Variants in TBC1D2B observed in about 807,000 individuals in gnomAD.
TBC1D2B encodes TBC1 domain family, member 2B.
A neutral mutation model predicts 100.8 loss-of-function variants in TBC1D2B; 64 were observed. That is an observed-to-expected ratio of 0.64 (90% CI 0.52 to 0.78). The LOEUF is 0.78. Among genes scored for constraint, TBC1D2B ranks in the 30% least tolerant of loss-of-function variants. The probability of loss-of-function intolerance (pLI) is 0.00; values close to 1 mark genes in which losing one functional copy is unlikely to be tolerated. For missense variants in TBC1D2B, 1,052 were observed against 1,218.4 expected (o/e 0.86, Z 2.03); for synonymous variants, 480 against 479.7 (o/e 1.00, Z -0.01).
intron 1 of TBC1D2B, among the ~76,000 whole-genome samples, chr15:78,074,579 A>C (rs1307943314): frequency 1.3e-5 from 2 of 152,192 alleles, no homozygotes; most frequent in Non-Finnish European, 2.9e-5. Flanking sequence ...AACACTGCAA[A>C]ACAGGAGAAG....
chr15:78,053,140 C>T (rs528019224), intron 2 of TBC1D2B, among the ~76,000 whole-genome samples: 14 of 152,320 alleles, frequency 9.2e-5, no homozygotes, highest in Non-Finnish European at 1.8e-4. Flanking sequence ...ATCAGCCACA[C>T]GTGCCAACAC....
At chr15:78,000,390 G>A (rs1171532547) in intron 12 of TBC1D2B, among the ~76,000 whole-genome samples, 2 of 152,226 alleles carry the variant, frequency 1.3e-5, no homozygotes, top group Non-Finnish European at 2.9e-5. Flanking sequence ...TCCCAACACA[G>A]CCCTAGCTGT....
chr15:78,040,855 G>GAAGGAAGAAAGATAGAAAGAAAGA (rs71447186), intron 3 of TBC1D2B, among the ~76,000 whole-genome samples: 1 of 74,668 alleles, frequency 1.3e-5, no homozygotes, highest in Non-Finnish European at 2.7e-5. Context: ...AGAAAGAAAG[G>GAAGGAAGAAAGATAGAAAGAAAGA]AAGAAAGAAA....
At position 78,077,569 on chromosome 15, in the gene TBC1D2B, C is replaced by T. The variant is rs745831492; in HGVS notation, c.84G>A (p.Ala28=). 3.0e-5 allele frequency: 42 copies of T among 1,404,950 alleles called. No homozygotes were observed. In the South Asian group the frequency reaches 4.5e-4, roughly 15 times the overall value. 87.0% of individuals were successfully genotyped at this position (1,404,950 alleles called of 1,614,324 possible). The part of the protein sequence containing the change: ...AAQGAAAEPG[A]GPAREPARLC... ...GCCGCGCTGGCTCCCGCGCCGGACC[C>T]GCCCCGGGCTCCGCGGCCGCCCCCT... is the stretch of plus-strand genomic sequence containing the variant. The change falls in exon 1 of 13, where the codon GCG becomes GCA. Residue 28 remains alanine (A), a synonymous_variant. Coordinates refer to ENST00000300584, the MANE Select transcript of TBC1D2B (RefSeq NM_144572.2).
chr15:78,027,312 C>T (rs752181269), intron 4 of TBC1D2B, among the ~76,000 whole-genome samples: 3 of 152,148 alleles, frequency 2.0e-5, no homozygotes, highest in Admixed American at 6.5e-5. Flanking sequence ...GAAGTGAGTG[C>T]TGGTTTCATG....
chr15:78,019,252 C>T (rs138553128), intron 6 of TBC1D2B, among the ~76,000 whole-genome samples: 1 of 152,322 alleles, frequency 6.6e-6, no homozygotes, highest in Non-Finnish European at 1.5e-5. Context: ...GTTACAGGTG[C>T]CCCGTGCTAG....
At position 78,052,737 on chromosome 15, in the gene TBC1D2B, T is replaced by C. The variant is rs372418587; in HGVS notation, c.514+1297A>G. ...CCTCCTGTGCCAAAGGCACTGGCTA[T>C]GCTCATGAACCCTGCCTGTTCCCAC... On this transcript the variant is annotated intron_variant, in intron 2 of 12. Coordinates refer to ENST00000300584, the MANE Select transcript of TBC1D2B (RefSeq NM_144572.2). Among the ~76,000 whole-genome samples, 104 of 152,338 alleles carry C rather than the reference T, an allele frequency of 6.8e-4. 2 individuals are homozygous for C. The highest frequency in any genetic ancestry group is 3.9e-3 in the South Asian group (19 of 4,826).
chr15:78,015,627 G>A (rs2072353857), intron 8 of TBC1D2B, among the ~76,000 whole-genome samples: 1 of 152,144 alleles, frequency 6.6e-6, no homozygotes, highest in Admixed American at 6.5e-5. Flanking sequence ...CTGAGGGCCT[G>A]TCCTCACCAC....
chr15:78,029,744 G>T (rs1194483685), intron 4 of TBC1D2B, among the ~76,000 whole-genome samples: 1 of 152,180 alleles, frequency 6.6e-6, no homozygotes, highest in Admixed American at 6.5e-5. Flanking sequence ...TTTAAAATCA[G>T]TATTTCCATA....
At chr15:78,021,339 T>TA (rs2072510780) in intron 6 of TBC1D2B, among the ~76,000 whole-genome samples, 1 of 152,036 alleles carries the variant, frequency 6.6e-6, no homozygotes, top group Non-Finnish European at 1.5e-5. Context: ...AATATATATA[T>TA]TTTTCCACTT....
At chr15:78,035,625 T>C (rs981846008) in intron 3 of TBC1D2B, among the ~76,000 whole-genome samples, 1 of 152,228 alleles carries the variant, frequency 6.6e-6, no homozygotes, top group African/African-American at 2.4e-5. Context: ...GGGGGTTTCC[T>C]CTGACTGGCA....
intron 3 of TBC1D2B, among the ~76,000 whole-genome samples, chr15:78,033,006 T>C (rs550460437): frequency 6.6e-6 from 1 of 152,086 alleles, no homozygotes; most frequent in East Asian, 1.9e-4. Flanking sequence ...CAAAAGAAGC[T>C]CAACAAACTT....
chr15:78,024,047 G>A (rs1464118988), intron 6 of TBC1D2B, 109 bp downstream of exon 6: 3 of 1,324,786 alleles, frequency 2.3e-6, no homozygotes, highest in East Asian at 2.5e-5. Context: ...AAAAAAATAA[G>A]TGTGCAGCTG....
intron 3 of TBC1D2B, among the ~76,000 whole-genome samples, chr15:78,033,687 C>A (rs2141728615): frequency 6.6e-6 from 1 of 152,022 alleles, no homozygotes; most frequent in Non-Finnish European, 1.5e-5. Context: ...TTAAAATAAA[C>A]ATGCAAATAA....
chr15:78,026,128 T>A (rs1004101815), intron 4 of TBC1D2B, among the ~76,000 whole-genome samples: 6 of 149,944 alleles, frequency 4.0e-5, no homozygotes, highest in African/African-American at 1.5e-4. Context: ...GCAAAAACAC[T>A]CAAATGTATG....
chr15:78,043,265 T>C (rs2073126317), intron 3 of TBC1D2B, among the ~76,000 whole-genome samples: 1 of 152,170 alleles, frequency 6.6e-6, no homozygotes, highest in African/African-American at 2.4e-5. Context: ...CCCAGCCCCA[T>C]CCTGAAAAAC....
intron 2 of TBC1D2B, among the ~76,000 whole-genome samples, chr15:78,046,031 A>C (rs1349505663): frequency 1.3e-5 from 2 of 152,120 alleles, no homozygotes. Context: ...TCCTGGGTTC[A>C]AGCGATTCTT....
At chr15:78,018,403 A>G (rs185326750) in intron 6 of TBC1D2B, among the ~76,000 whole-genome samples, 5 of 152,352 alleles carry the variant, frequency 3.3e-5, no homozygotes, top group Admixed American at 3.3e-4. Flanking sequence ...AAAAAAGTCT[A>G]CATACATATA....
At chr15:78,029,529 A>T (rs1167947691) in intron 4 of TBC1D2B, among the ~76,000 whole-genome samples, 1 of 152,258 alleles carries the variant, frequency 6.6e-6, no homozygotes, top group Non-Finnish European at 1.5e-5. Context: ...TTAGAGATAC[A>T]TACTGAAGTA....
Sources: gnomAD v4.1 joint callset for allele counts (sites outside exome capture counted in the v4.1 genomes callset) on GRCh38, gnomAD v4.1.1 for gene constraint, MANE v1.5 for transcripts, NCBI Gene and HGNC (gene_info 2026-07-23, HGNC 2026-07-21) for gene names.